Variants in ANOS1 observed in about 807,000 individuals in gnomAD.
ANOS1 encodes anosmin 1, also known as anosmin-1.
ANOS1 carries 6 observed loss-of-function variants against 59.0 expected under a neutral mutation model. The observed-to-expected ratio is 0.10, with a 90% CI of 0.06 to 0.20. ANOS1 has a LOEUF of 0.20. Ranked by LOEUF, ANOS1 falls within the 10% of genes least tolerant of loss-of-function variation. The pLI is 1.00. For missense variants in ANOS1, 433 were observed against 542.3 expected (o/e 0.80, Z 2.00); for synonymous variants, 217 against 223.4 (o/e 0.97, Z 0.25).
chrX:8,631,928 A>G (rs1569068873), intron 2 of ANOS1, among the ~76,000 whole-genome samples: 4 of 112,232 alleles, frequency 3.6e-5, no homozygotes, highest in Non-Finnish European at 5.6e-5. Context: ...TAGAGGATGT[A>G]AGCATTTGGA....
At position 8,658,866 on chromosome X, in the gene ANOS1, T is replaced by C. The variant is rs759775139; in HGVS notation, c.256-35196A>G. ...ACTTTGGGAGGCTGAAGTGGGAGGA[T>C]TGCTTGAGGCCAGGAGTTTGTGACC... is the stretch of plus-strand genomic sequence containing the variant. On this transcript the variant is annotated intron_variant, in intron 2 of 13. Transcript: ENST00000262648. Among the ~76,000 whole-genome samples, 30 of 111,458 alleles carry C rather than the reference T, an allele frequency of 2.7e-4. No individual in the cohort carries two copies. The South Asian group carries it at 3.4e-3, about 13-fold the overall frequency.
chrX:8,713,713 A>T (rs1932825917), intron 1 of ANOS1, among the ~76,000 whole-genome samples: 1 of 109,722 alleles, frequency 9.1e-6, no homozygotes, highest in East Asian at 2.9e-4. Flanking sequence ...CCCGGGTTCA[A>T]GTGATTCTCC....
chrX:8,606,592 A>G (rs764345814), intron 3 of ANOS1, among the ~76,000 whole-genome samples: 2 of 112,275 alleles, frequency 1.8e-5, no homozygotes, highest in African/African-American at 3.2e-5. Context: ...AGTAATATTA[A>G]ACTTTAAGCA....
chrX:8,644,994 G>C (rs1361437064), intron 2 of ANOS1, among the ~76,000 whole-genome samples: 1 of 112,517 alleles, frequency 8.9e-6, no homozygotes, highest in Non-Finnish European at 1.9e-5. Flanking sequence ...AGGACCTTCT[G>C]AGGCCCTATC....
intron 8 of ANOS1, 150 bp from the exon 9 acceptor site, chrX:8,554,248 G>A (rs777755477): frequency 7.1e-5 from 36 of 504,530 alleles, no homozygotes; most frequent in East Asian, 5.9e-4. Context: ...CGGAGGTACC[G>A]GCTCATCTCA....
At chrX:8,641,611 C>G (rs1354716129) in intron 2 of ANOS1, among the ~76,000 whole-genome samples, 1 of 112,079 alleles carries the variant, frequency 8.9e-6, no homozygotes, top group Non-Finnish European at 1.9e-5. Flanking sequence ...CACACAAATA[C>G]AAAGGCTATC....
intron 6 of ANOS1, among the ~76,000 whole-genome samples, chrX:8,582,591 T>A (rs953369079): frequency 7.2e-5 from 8 of 111,207 alleles, no homozygotes; most frequent in Non-Finnish European, 1.3e-4. Context: ...CAAAAAACTG[T>A]CGGGAAGTGG....
chrX:8,669,500 T>C (rs1425321575), intron 2 of ANOS1, among the ~76,000 whole-genome samples: 2 of 110,908 alleles, frequency 1.8e-5, no homozygotes, highest in Non-Finnish European at 3.8e-5. Context: ...GAACTCTTCA[T>C]TTTCCACTCC....
At position 8,536,894 on chromosome X, in the gene ANOS1, C is replaced by T; in HGVS notation, c.1498G>A (p.Val500Met). 8.3e-7 allele frequency: 1 copy of T among 1,208,978 alleles called. No homozygotes were observed. Among genetic ancestry groups the T allele is most frequent in the Non-Finnish European group, 1.1e-6 (1 of 893,309 alleles). The change falls in exon 11 of 14, where the codon GTG becomes ATG. Residue 500 changes from valine to methionine, a missense_variant. By Grantham distance (21) the Val-to-Met change is conservative (BLOSUM62 1). Transcript: ENST00000262648. ...QDLSFSCKYK[V>M]TVQPIRPKSH... ...TTTGGCCGTATTGGTTGGACAGTCA[C>T]CTTATACTTGCAGGAAAATGACAGA...
At chrX:8,578,596 G>A (rs935407228) in intron 6 of ANOS1, among the ~76,000 whole-genome samples, 5 of 111,947 alleles carry the variant, frequency 4.5e-5, no homozygotes, top group Non-Finnish European at 7.5e-5. Context: ...AAACAATGCT[G>A]TCTGCTTCCT....
At chrX:8,635,348 T>C (rs970031978) in intron 2 of ANOS1, among the ~76,000 whole-genome samples, 1 of 112,070 alleles carries the variant, frequency 8.9e-6, no homozygotes, top group African/African-American at 3.2e-5. Flanking sequence ...TTTTCAGTAG[T>C]ATGTTCACTC....
intron 9 of ANOS1, among the ~76,000 whole-genome samples, chrX:8,552,659 G>C (rs1033071133): frequency 9.0e-6 from 1 of 111,302 alleles, no homozygotes; most frequent in Non-Finnish European, 1.9e-5. Context: ...ACTCTTGTAT[G>C]CTTGAGATAT....
intron 3 of ANOS1, among the ~76,000 whole-genome samples, chrX:8,604,700 T>C (rs1166218235): frequency 8.9e-6 from 1 of 112,150 alleles, no homozygotes; most frequent in East Asian, 2.8e-4. Flanking sequence ...CTCCAAACTA[T>C]AATCCAGGGG....
intron 2 of ANOS1, among the ~76,000 whole-genome samples, chrX:8,637,349 T>G (rs767625759): frequency 8.9e-6 from 1 of 112,475 alleles, no homozygotes; most frequent in African/African-American, 3.2e-5. Flanking sequence ...TTCCTCTTGT[T>G]GTTTTGCATT....
intron 1 of ANOS1, among the ~76,000 whole-genome samples, chrX:8,728,503 G>A (rs369631639): frequency 9.9e-5 from 11 of 111,598 alleles, no homozygotes; most frequent in African/African-American, 2.9e-4. Context: ...CATTCGCGAC[G>A]CTACAGAGCC....
At chrX:8,611,609 C>G (rs1220473086) in intron 3 of ANOS1, among the ~76,000 whole-genome samples, 1 of 110,427 alleles carries the variant, frequency 9.1e-6, no homozygotes, top group Non-Finnish European at 1.9e-5. Flanking sequence ...TTAAAAGATA[C>G]TTTATATATA....
intron 1 of ANOS1, among the ~76,000 whole-genome samples, chrX:8,700,352 G>GGAGA (rs752508637): frequency 2.8e-5 from 3 of 108,786 alleles, no homozygotes; most frequent in East Asian, 2.9e-4. Context: ...TGGCAGAGCA[G>GGAGA]GAGAGAGAGA....
intron 2 of ANOS1, among the ~76,000 whole-genome samples, chrX:8,660,411 A>G (rs1230116287): frequency 9.0e-6 from 1 of 111,234 alleles, no homozygotes; most frequent in Non-Finnish European, 1.9e-5. Flanking sequence ...TGCTTGCACC[A>G]TGAACTTTAA....
At chrX:8,576,142 A>G (rs1014883581) in intron 6 of ANOS1, among the ~76,000 whole-genome samples, 1 of 110,409 alleles carries the variant, frequency 9.1e-6, no homozygotes, top group Non-Finnish European at 1.9e-5. Flanking sequence ...AAACAAAACC[A>G]AAAGAGAGTG....
Sources: gnomAD v4.1 joint callset for allele counts (sites outside exome capture counted in the v4.1 genomes callset) on GRCh38, gnomAD v4.1.1 for gene constraint, MANE v1.5 for transcripts, NCBI Gene and HGNC (gene_info 2026-07-23, HGNC 2026-07-21) for gene names.